The following TMTC2 variants were observed in gnomAD, a reference collection of about 807,000 sequenced individuals.
The protein encoded by TMTC2 is protein O-mannosyl-transferase TMTC2.
TMTC2 carries 43 observed loss-of-function variants against 82.4 expected under a neutral mutation model. The observed-to-expected ratio is 0.52, with a 90% CI of 0.41 to 0.67. The LOEUF is 0.67. Among genes scored for constraint, TMTC2 ranks in the 30% least tolerant of loss-of-function variants. TMTC2 has a pLI of 0.00. For synonymous variants in TMTC2, 408 were observed against 381.9 expected (o/e 1.07, Z -0.80); for missense variants, 919 against 1,012.4 (o/e 0.91, Z 1.25).
intron 8 of TMTC2, among the ~76,000 whole-genome samples, chr12:83,009,064 T>A (rs181368813): frequency 8.4e-4 from 128 of 152,288 alleles, no homozygotes; most frequent in African/African-American, 2.8e-3. Flanking sequence ...CCTTCATGAG[T>A]TATTCTACTT....
chr12:82,956,408 C>CA lies in TMTC2; in HGVS notation c.1599-8610dup, dbSNP rs541452369. 2.6e-4 allele frequency among the ~76,000 whole-genome samples: 40 copies of CA among 151,752 alleles called. No individual in the cohort carries two copies. In the East Asian group the frequency reaches 3.7e-3, roughly 14 times the overall value. ...AAAGATGTAGTATGCAGACAGAAAACAAAAAAGAGCAAGAGTCACTATTCT... is the reference window on the plus strand; with the variant it reads ...AAAGATGTAGTATGCAGACAGAAAACAAAAAAAGAGCAAGAGTCACTATTCT... On this transcript the variant is annotated intron_variant, in intron 4 of 11. Transcript: ENST00000321196.
At position 82,840,376 on chromosome 12, in the gene TMTC2, T is replaced by C. The variant is rs371828348; in HGVS notation, c.84-16634T>C. Among the ~76,000 whole-genome samples, 5 of 152,332 alleles carry C rather than the reference T, an allele frequency of 3.3e-5. No individual in the cohort carries two copies. In the East Asian group the frequency reaches 7.7e-4, roughly 23 times the overall value. On this transcript the variant is annotated intron_variant, in intron 1 of 11. Coordinates refer to ENST00000321196, the MANE Select transcript of TMTC2 (RefSeq NM_152588.3). ...TCAGATAAGAGATGAATGTAGACTTTTGTTTTCTTCACATATTGGAGTAAA... is the reference window on the plus strand; with the variant it reads ...TCAGATAAGAGATGAATGTAGACTTCTGTTTTCTTCACATATTGGAGTAAA...
intron 1 of TMTC2, among the ~76,000 whole-genome samples, chr12:82,687,916 A>G (rs1225103525): frequency 6.6e-6 from 1 of 152,168 alleles, no homozygotes; most frequent in Admixed American, 6.5e-5. Context: ...CTGTTGGCAG[A>G]CGCTTGAGTT....
chr12:82,946,052 G>T (rs146910553), intron 4 of TMTC2, among the ~76,000 whole-genome samples: 44 of 152,126 alleles, frequency 2.9e-4, no homozygotes, highest in Non-Finnish European at 5.1e-4. Context: ...CTCTCTGAAT[G>T]AGGCCTCCTA....
intron 2 of TMTC2, among the ~76,000 whole-genome samples, chr12:82,887,743 A>G (rs767514031): frequency 6.6e-6 from 1 of 152,116 alleles, no homozygotes; most frequent in Non-Finnish European, 1.5e-5. Flanking sequence ...TTCCTTTTTT[A>G]TGTTAAATAA....
chr12:82,845,663 C>T (rs756295237), intron 1 of TMTC2, among the ~76,000 whole-genome samples: 1 of 152,032 alleles, frequency 6.6e-6, no homozygotes, highest in Non-Finnish European at 1.5e-5. Context: ...TAGTGACCAA[C>T]TGATTATGTG....
chr12:82,846,364 A>T (rs776059140), intron 1 of TMTC2, among the ~76,000 whole-genome samples: 84 of 151,326 alleles, frequency 5.6e-4, no homozygotes, highest in East Asian at 9.6e-4. Context: ...TCTTTTTTTT[A>T]AAAAAAACGA....
At chr12:83,108,020 C>T (rs1884475613) in intron 11 of TMTC2, among the ~76,000 whole-genome samples, 1 of 151,956 alleles carries the variant, frequency 6.6e-6, no homozygotes, top group African/African-American at 2.4e-5. Context: ...TCTCTTCTTC[C>T]TTCTGCTCTG....
chr12:82,717,374 A>G (rs1314428735), intron 1 of TMTC2, among the ~76,000 whole-genome samples: 1 of 151,776 alleles, frequency 6.6e-6, no homozygotes, highest in Non-Finnish European at 1.5e-5. Flanking sequence ...ACAGGTGCTC[A>G]CCACCATGCC....
chr12:82,890,063 C>T (rs956713175), intron 2 of TMTC2, among the ~76,000 whole-genome samples: 2 of 152,124 alleles, frequency 1.3e-5, no homozygotes, highest in Non-Finnish European at 2.9e-5. Flanking sequence ...ATTTCCCCAA[C>T]AATGTATGAG....
chr12:82,960,020 C>G (rs1276224322), intron 4 of TMTC2, among the ~76,000 whole-genome samples: 1 of 151,848 alleles, frequency 6.6e-6, no homozygotes, highest in Non-Finnish European at 1.5e-5. Flanking sequence ...AAGATATGAG[C>G]AGACACTTCA....
At chr12:82,808,961 C>T (rs1879367166) in intron 1 of TMTC2, among the ~76,000 whole-genome samples, 1 of 150,940 alleles carries the variant, frequency 6.6e-6, no homozygotes, top group Admixed American at 6.6e-5. Context: ...GGAAAAGATT[C>T]CTCTTTCAAG....
At position 83,043,690 on chromosome 12, in the gene TMTC2, A is replaced by G. The variant is rs1255138069; in HGVS notation, c.2153-7214A>G. ...TCTGTAATCTCCTCTCTCCTCTAAT[A>G]AAATGGAACTTCTTCAAGGATAAAT... On this transcript the variant is annotated intron_variant, in intron 9 of 11. Coordinates refer to ENST00000321196, the MANE Select transcript of TMTC2 (RefSeq NM_152588.3). 2.6e-5 allele frequency among the ~76,000 whole-genome samples: 4 copies of G among 152,192 alleles called. No homozygotes were observed. The East Asian group carries it at 7.7e-4, about 29-fold the overall frequency.
intron 1 of TMTC2, among the ~76,000 whole-genome samples, chr12:82,797,771 G>A (rs145992799): frequency 1.8e-4 from 28 of 152,034 alleles, no homozygotes; most frequent in African/African-American, 5.5e-4. Flanking sequence ...AACCAGGACA[G>A]TATTAAGTCA....
At chr12:83,006,360 C>G (rs10082865) in intron 8 of TMTC2, among the ~76,000 whole-genome samples, 119,126 of 152,088 alleles carry the variant, frequency 0.78, 47,694 homozygotes, top group South Asian at 0.93. Flanking sequence ...GGTGTGTCTA[C>G]TTGGCCCTCT....
At chr12:83,033,237 A>T (rs1185628558) in intron 9 of TMTC2, among the ~76,000 whole-genome samples, 1 of 152,208 alleles carries the variant, frequency 6.6e-6, no homozygotes, top group African/African-American at 2.4e-5. Flanking sequence ...AGATTATAAA[A>T]CATGAAAATT....
chr12:82,846,563 T>C (rs1454287902), intron 1 of TMTC2, among the ~76,000 whole-genome samples: 1 of 152,032 alleles, frequency 6.6e-6, no homozygotes, highest in Admixed American at 6.6e-5. Context: ...GGGAGGTATA[T>C]CTTGCTGTGC....
At chr12:82,883,603 G>A (rs1181203323) in intron 2 of TMTC2, among the ~76,000 whole-genome samples, 2 of 152,144 alleles carry the variant, frequency 1.3e-5, no homozygotes, top group Admixed American at 6.5e-5. Flanking sequence ...AGACTGGAAC[G>A]CATCTCATAA....
chr12:83,096,547 G>A (rs1884035850), intron 11 of TMTC2, among the ~76,000 whole-genome samples: 1 of 152,210 alleles, frequency 6.6e-6, no homozygotes, highest in Admixed American at 6.5e-5. Flanking sequence ...ATGGCAGAAG[G>A]CAAAAGGCAC....
Sources: gnomAD v4.1 joint callset for allele counts (sites outside exome capture counted in the v4.1 genomes callset) on GRCh38, gnomAD v4.1.1 for gene constraint, MANE v1.5 for transcripts, NCBI Gene and HGNC (gene_info 2026-07-23, HGNC 2026-07-21) for gene names.